Variants in EPS8L3 observed in about 807,000 individuals in gnomAD.
The protein encoded by EPS8L3 is epidermal growth factor receptor kinase substrate 8-like protein 3.
EPS8L3 carries 80 observed loss-of-function variants against 88.5 expected under a neutral mutation model. The observed-to-expected ratio is 0.90, with a 90% CI of 0.75 to 1.09. The LOEUF is 1.09. Ranked by LOEUF, EPS8L3 falls within the 50% of genes least tolerant of loss-of-function variation. The pLI is 0.00. For synonymous variants in EPS8L3, 286 were observed against 291.0 expected, an observed-to-expected ratio of 0.98 and a Z score of 0.18; for missense variants, 721 against 735.2, an observed-to-expected ratio of 0.98 and a Z score of 0.22.
chr1:109,750,261 T>C lies in EPS8L3; in HGVS notation c.*130A>G. ...CTCTGGGCCTGTCCATTGTTTTTGCTGTGTGAGCTGGGGTGTGGGGTTTGC... is the reference window on the plus strand; with the variant it reads ...CTCTGGGCCTGTCCATTGTTTTTGCCGTGTGAGCTGGGGTGTGGGGTTTGC... On this transcript the variant is annotated 3_prime_UTR_variant, in exon 19 of 19. Coordinates refer to ENST00000361965, the MANE Select transcript of EPS8L3 (RefSeq NM_133181.4). The C allele has an allele frequency of 8.9e-6, 10 of 1,125,912 alleles. No individual in the cohort carries two copies. The highest frequency in any genetic ancestry group is 1.3e-5 in the Non-Finnish European group (10 of 768,062). 69.7% of individuals were successfully genotyped at this position (1,125,912 alleles called of 1,614,324 possible).
Position 109,752,866 on chromosome 1 carries a change from G to A in EPS8L3, c.1201-146C>T, listed in dbSNP as rs1649937421. ...CTGCCTCCCCCAGTTTACAGATACA[G>A]GTACCCACATGCACCCACCCACCCA... On this transcript the variant is annotated intron_variant, in intron 13 of 18. Transcript: ENST00000361965. The A allele has an allele frequency of 1.9e-5, 15 of 797,492 alleles. 1 individual carries two copies. In the South Asian group the frequency reaches 2.2e-4, roughly 12 times the overall value. 49.4% of individuals were successfully genotyped at this position (797,492 alleles called of 1,614,324 possible). A position where few individuals can be genotyped will look rare whatever the true frequency, so the allele number is the denominator to read the frequency against.
chr1:109,760,823 A>G (rs1233683158), intron 3 of EPS8L3, among the ~76,000 whole-genome samples: 1 of 152,004 alleles, frequency 6.6e-6, no homozygotes, highest in Non-Finnish European at 1.5e-5. Flanking sequence ...CTTCTACCCC[A>G]GAGCTCCAGC....
Position 109,750,356 on chromosome 1 carries a change from CG to C in EPS8L3, c.*34del, listed in dbSNP as rs1557984882. 1.2e-6 allele frequency: 2 copies of C among 1,612,858 alleles called. No homozygotes were observed. The highest frequency in any genetic ancestry group is 2.2e-5 in the South Asian group (2 of 90,736). On this transcript the variant is annotated 3_prime_UTR_variant, in exon 19 of 19. Coordinates refer to ENST00000361965, the MANE Select transcript of EPS8L3 (RefSeq NM_133181.4). Reference sequence around the variant, plus strand: ...TATCAGATCTGCCATCTTGCATCAGCGGGGCCTGGTTCTTGGAGGTGTCTAA... The same window carrying C: ...TATCAGATCTGCCATCTTGCATCAGCGGGCCTGGTTCTTGGAGGTGTCTAA...
chr1:109,751,233 T>A, intron 17 of EPS8L3, 45 bp downstream of exon 17: 1 of 1,575,836 alleles, frequency 6.3e-7, no homozygotes, highest in Non-Finnish European at 8.7e-7. Context: ...TGGTTAGCCC[T>A]TTACAAAGTT....
At chr1:109,751,402 C>A (rs1266012110) in intron 16 of EPS8L3, 51 bp from the exon 17 acceptor site, 1 of 1,567,632 alleles carries the variant, frequency 6.4e-7, no homozygotes, top group Non-Finnish European at 8.8e-7. Flanking sequence ...TCACAGCCAA[C>A]CACAGCCCCT....
intron 1 of EPS8L3, among the ~76,000 whole-genome samples, chr1:109,763,487 T>C (rs920030214): frequency 6.6e-6 from 1 of 152,160 alleles, no homozygotes; most frequent in Non-Finnish European, 1.5e-5. Flanking sequence ...GGGAGCTGGC[T>C]TGGCCTGCCT....
At chr1:109,752,575 TA>T in intron 14 of EPS8L3, 110 bp downstream of exon 14, 1 of 1,046,018 alleles carries the variant, frequency 9.6e-7, no homozygotes, top group Non-Finnish European at 1.4e-6. Context: ...TTTTTCTGGC[TA>T]AAAGAGACCC....
Position 109,752,113 on chromosome 1 carries a change from G to T in EPS8L3, c.1316C>A (p.Pro439His). 4.3e-6 allele frequency: 7 copies of T among 1,614,106 alleles called. No homozygotes were observed. Among genetic ancestry groups the T allele is most frequent in the Non-Finnish European group, 5.9e-6 (7 of 1,180,016 alleles). ...TTTGGGGCTGGAGGGCCTGGAGTTG[G>T]GGTCCCCAGGCTGAGGGTCATGGTT... ...THNHDPQPGDPNSRPSSPKPA... is the reference protein window; with the variant it reads ...THNHDPQPGDHNSRPSSPKPA... The change falls in exon 15 of 19, where the codon CCC (proline) becomes CAC (histidine). Residue 439 changes from proline to histidine, a missense_variant. Transcript: ENST00000361965.
At position 109,751,774 on chromosome 1, in the gene EPS8L3, G is replaced by C. The variant is rs34301364; in HGVS notation, c.1443C>G (p.Asp481Glu). The stretch of plus-strand genomic sequence containing the variant: ...TCACCAGCCACCACCGCTTGCTGTG[G>C]TCCAGAACCTGCCAAGAGTCACCAC... ...VVQGEKLEVL[D>E]HSKRWWLVKN... Residue 481 changes from aspartate (D) to glutamate (E), a missense_variant, in exon 16 of 19, where the codon GAC becomes GAG. Transcript: ENST00000361965. The C allele has an allele frequency of 6.2e-7, 1 of 1,613,366 alleles. No individual in the cohort carries two copies.
chr1:109,757,570 C>T lies in EPS8L3; in HGVS notation c.895-15G>A. The T allele has an allele frequency of 1.2e-6, 2 of 1,607,926 alleles. No homozygotes were observed. Among genetic ancestry groups the T allele is most frequent in the Non-Finnish European group, 1.7e-6 (2 of 1,174,968 alleles). ...GCCAGCCTTCCCTGGGGACACAGAG[C>T]AATGCCTGTCACCACCCTTCACCCC... is the stretch of plus-strand genomic sequence containing the variant. On this transcript the variant is annotated splice_polypyrimidine_tract_variant and intron_variant, in intron 10 of 18. Coordinates refer to ENST00000361965, the MANE Select transcript of EPS8L3 (RefSeq NM_133181.4).
intron 12 of EPS8L3, among the ~76,000 whole-genome samples, chr1:109,754,219 T>C (rs1650068571): frequency 6.6e-6 from 1 of 152,362 alleles, no homozygotes; most frequent in East Asian, 1.9e-4. Flanking sequence ...TTTCATTATT[T>C]CTGCAACCTG....
chr1:109,757,416 C>T, intron 11 of EPS8L3, 65 bp downstream of exon 11: 2 of 1,485,704 alleles, frequency 1.3e-6, no homozygotes, highest in Non-Finnish European at 1.9e-6. Flanking sequence ...CAGCTCCTTT[C>T]CTCTCTCTAC....
chr1:109,760,635 G>A (rs1650816130), intron 3 of EPS8L3, among the ~76,000 whole-genome samples: 1 of 152,020 alleles, frequency 6.6e-6, no homozygotes, highest in South Asian at 2.1e-4. Flanking sequence ...CCTCTTCCCA[G>A]CCTCCACCCT....
chr1:109,750,616 A>T, intron 18 of EPS8L3, 44 bp downstream of exon 18: 1 of 1,612,884 alleles, frequency 6.2e-7, no homozygotes, highest in Non-Finnish European at 8.5e-7. Context: ...ACCCAGGAGC[A>T]CCAGACACTC....
intron 3 of EPS8L3, 73 bp downstream of exon 3, chr1:109,761,422 C>T (rs1424085266): frequency 7.4e-7 from 1 of 1,356,900 alleles, no homozygotes; most frequent in African/African-American, 1.4e-5. Flanking sequence ...TGTCCATGTT[C>T]TGGCAGGGCG....
At chr1:109,751,603 C>T (rs547918467) in intron 16 of EPS8L3, 51 bp downstream of exon 16, 72 of 1,612,332 alleles carry the variant, frequency 4.5e-5, no homozygotes, top group African/African-American at 8.0e-5. Flanking sequence ...CTCCCCACCC[C>T]GACCTCCAAC....
chr1:109,752,841 C>G, intron 13 of EPS8L3, 121 bp from the exon 14 acceptor site: 1 of 908,842 alleles, frequency 1.1e-6, no homozygotes, highest in Non-Finnish European at 1.8e-6. Context: ...ATCCCCTTTC[C>G]TGCCTCCCCC....
Position 109,757,179 on chromosome 1 carries a change from G to GGAA in EPS8L3, c.970-17_970-15dup. The GGAA allele has an allele frequency of 1.3e-6, 2 of 1,595,818 alleles. No homozygotes were observed. Among genetic ancestry groups the GGAA allele is most frequent in the Non-Finnish European group, 1.7e-6 (2 of 1,169,840 alleles). On this transcript the variant is annotated splice_polypyrimidine_tract_variant and intron_variant, in intron 11 of 18. Transcript: ENST00000361965. ...CCTGGCCAGGATCTAGGGGAGAGAT[G>GGAA]GAAGGTGTCAGGAAGCCTAGGCTCC...
At chr1:109,757,631 G>T (rs1407761296) in intron 10 of EPS8L3, 76 bp from the exon 11 acceptor site, 6 of 1,477,200 alleles carry the variant, frequency 4.1e-6, no homozygotes, top group East Asian at 4.7e-5. Context: ...ATTGTTTTAT[G>T]CCTTGGCTGG....
Sources: gnomAD v4.1 joint callset for allele counts (sites outside exome capture counted in the v4.1 genomes callset) on GRCh38, gnomAD v4.1.1 for gene constraint, MANE v1.5 for transcripts, NCBI Gene and HGNC (gene_info 2026-07-23, HGNC 2026-07-21) for gene names.